The following BZW1 variants were observed in gnomAD, a reference collection of about 807,000 sequenced individuals.
BZW1 encodes the protein eIF5-mimic protein 2.
Under a neutral mutation model 54.1 loss-of-function variants are expected in BZW1, and 3 were observed. That is an observed-to-expected ratio of 0.06 (90% CI 0.03 to 0.14). The LOEUF is 0.14. BZW1 is among the 10% of genes least tolerant of loss of function. The pLI, the probability that BZW1 is intolerant of heterozygous loss-of-function variation, is 1.00. For missense variants in BZW1, 206 were observed against 491.7 expected (o/e 0.42, Z 5.50); for synonymous variants, 152 against 162.7 (o/e 0.93, Z 0.50).
At chr2:200,813,482 A>G in intron 2 of BZW1, 2 of 506,540 alleles carry the variant, frequency 3.9e-6, no homozygotes, top group East Asian at 3.3e-5. Context: ...TTTTAGTATC[A>G]ATATATCTCT....
Position 200,826,990 on chromosome 2 carries a change from A to G in BZW1, c.*4812A>G, listed in dbSNP as rs185318444. 1 of 152,178 alleles carries G rather than the reference A, an allele frequency of 6.6e-6. No homozygotes were observed. Among genetic ancestry groups the G allele is most frequent in the Admixed American group, 6.5e-5 (1 of 15,294 alleles). The allele number at this position is 152,178 out of a possible 1,614,324, so 9.4% of individuals were successfully genotyped here. ...TGAAGGCTATGCTTAAAAGTTAGAG[A>G]TAAACCTGTTGGAAATAAGTGATTC... On this transcript the variant is annotated 3_prime_UTR_variant, in exon 12 of 12. Coordinates refer to ENST00000409600, the MANE Select transcript of BZW1 (RefSeq NM_001207067.2).
intron 9 of BZW1, 96 bp downstream of exon 9, chr2:200,818,997 C>A: frequency 7.2e-7 from 1 of 1,397,640 alleles, no homozygotes; most frequent in Admixed American, 3.3e-5. Flanking sequence ...TTATCACATC[C>A]TGTGGTTCCT....
At chr2:200,814,479 C>T (rs879267738) in intron 2 of BZW1, among the ~76,000 whole-genome samples, 16 of 152,130 alleles carry the variant, frequency 1.1e-4, no homozygotes, top group Non-Finnish European at 1.2e-4. Context: ...TGTCATCTAG[C>T]CTAGATTGGG....
chr2:200,820,551 G>A (rs946076949), intron 10 of BZW1, among the ~76,000 whole-genome samples: 2 of 152,094 alleles, frequency 1.3e-5, no homozygotes, highest in African/African-American at 4.8e-5. Flanking sequence ...GAATGGTGGC[G>A]CAAGCCTGTA....
rs2038149954 is a variant in BZW1 at position 200,813,072 on chromosome 2, G to A, written c.-10-136G>A. ...GCAGGTAATTCTTTGTGCCTGTATC[G>A]GGTATAATTGCCAGCTTTATATCCT... On this transcript the variant is annotated intron_variant, in intron 1 of 11. Transcript: ENST00000409600. 4.2e-6 allele frequency: 3 copies of A among 719,128 alleles called. No individual in the cohort carries two copies. The highest frequency in any genetic ancestry group is 2.3e-4 in the Middle Eastern group (1 of 4,298). The allele number at this position is 719,128 out of a possible 1,614,324, so 44.5% of individuals were successfully genotyped here.
chr2:200,815,831 C>A, intron 4 of BZW1, 70 bp downstream of exon 4: 1 of 1,337,870 alleles, frequency 7.5e-7, no homozygotes, highest in Non-Finnish European at 1.0e-6. Context: ...GAATATTCTA[C>A]TTTTAAGAGT....
intron 1 of BZW1, chr2:200,812,828 G>C (rs2038136188): frequency 3.0e-6 from 2 of 670,154 alleles, no homozygotes; most frequent in African/African-American, 1.8e-5. Flanking sequence ...TTGGATGCCT[G>C]CTGACTATGG....
chr2:200,812,835 A>G (rs1559308705), intron 1 of BZW1: 2 of 665,752 alleles, frequency 3.0e-6, no homozygotes, highest in Admixed American at 2.1e-5. Flanking sequence ...CCTGCTGACT[A>G]TGGTGATAAT....
intron 2 of BZW1, 66 bp downstream of exon 2, chr2:200,813,347 T>A: frequency 7.2e-7 from 1 of 1,398,474 alleles, no homozygotes; most frequent in Non-Finnish European, 1.0e-6. Context: ...TTGCCTTCTC[T>A]GACAGGTACT....
rs1249217148 is a variant in BZW1 at position 200,824,673 on chromosome 2, T to G, written c.*2495T>G. On this transcript the variant is annotated 3_prime_UTR_variant, in exon 12 of 12. Transcript: ENST00000409600. ...TATCATACCCCCAGCCTTTTTAGGC[T>G]TTTTTTTTTTTTTTTTTGAGACGGA... is the stretch of plus-strand genomic sequence containing the variant. 8.9e-6 allele frequency: 1 copy of G among 111,766 alleles called. No homozygotes were observed. Among genetic ancestry groups the G allele is most frequent in the East Asian group, 2.3e-4 (1 of 4,270 alleles). The allele number at this position is 111,766 out of a possible 1,614,324, so 6.9% of individuals were successfully genotyped here. A position where few individuals can be genotyped will look rare whatever the true frequency, so the allele number is the denominator to read the frequency against.
chr2:200,820,480 G>C (rs2038469116), intron 10 of BZW1, among the ~76,000 whole-genome samples: 1 of 152,146 alleles, frequency 6.6e-6, no homozygotes, highest in Non-Finnish European at 1.5e-5. Flanking sequence ...AAGAGTTCAA[G>C]ACCGGCCTGG....
Position 200,826,407 on chromosome 2 carries a change from A to AGATTT in BZW1, c.*4229_*4230insGATTT, listed in dbSNP as rs1559318394. On this transcript the variant is annotated 3_prime_UTR_variant, in exon 12 of 12. Coordinates refer to ENST00000409600, the MANE Select transcript of BZW1 (RefSeq NM_001207067.2). ...TAGATAGATAGATAGATAGATAGAT[A>AGATTT]TTTTTTTTTTTTTTTTTTTTTTTTT... The AGATTT allele has an allele frequency of 7.3e-5, 4 of 54,946 alleles. No homozygotes were observed. Among genetic ancestry groups the AGATTT allele is most frequent in the African/African-American group, 3.4e-4 (4 of 11,752 alleles). The allele number at this position is 54,946 out of a possible 1,614,324, so 3.4% of individuals were successfully genotyped here. A position where few individuals can be genotyped will look rare whatever the true frequency, so the allele number is the denominator to read the frequency against.
chr2:200,815,972 TC>T (rs2038271884), intron 4 of BZW1, among the ~76,000 whole-genome samples: 1 of 152,226 alleles, frequency 6.6e-6, no homozygotes. Flanking sequence ...ACTCTTCTGT[TC>T]CTATTTGTCC....
intron 11 of BZW1, 108 bp downstream of exon 11, chr2:200,821,413 T>G: frequency 7.3e-7 from 1 of 1,373,706 alleles, no homozygotes; most frequent in Non-Finnish European, 9.8e-7. Context: ...GTACCTGGAG[T>G]AGAGATTTTT....
At chr2:200,812,888 A>G (rs1286732556) in intron 1 of BZW1, 18 of 653,890 alleles carry the variant, frequency 2.8e-5, no homozygotes, top group South Asian at 2.7e-4. Flanking sequence ...TGGAAGATGT[A>G]AGTGAATGTA....
At chr2:200,812,011 C>T (rs1160127393) in intron 1 of BZW1, 21 bp downstream of exon 1, 14 of 373,162 alleles carry the variant, frequency 3.8e-5, no homozygotes, top group Non-Finnish European at 1.9e-5. Flanking sequence ...GCGCCCCGCT[C>T]ACCCCGGGCG....
chr2:200,812,663 T>G, intron 1 of BZW1: 1 of 1,151,150 alleles, frequency 8.7e-7, no homozygotes, highest in Non-Finnish European at 1.2e-6. Context: ...CGAAGGAGGC[T>G]GGGCTGGCTG....
At chr2:200,817,046 C>A (rs2038320932) in intron 5 of BZW1, 60 bp from the exon 6 acceptor site, 1 of 1,571,846 alleles carries the variant, frequency 6.4e-7, no homozygotes, top group Middle Eastern at 2.1e-4. Context: ...ACATGCTTTA[C>A]TGCTTCTCTT....
chr2:200,818,092 C>CT lies in BZW1; in HGVS notation c.648+16dup. The CT allele has an allele frequency of 6.5e-7, 1 of 1,542,670 alleles. No individual in the cohort carries two copies. The highest frequency in any genetic ancestry group is 1.7e-4 in the Middle Eastern group (1 of 5,952). ...TGGATAACAGACTGATGGTTGGTAACTTTTTTTCATTCTTCCCATTCTTGC... is the reference window on the plus strand; with the variant it reads ...TGGATAACAGACTGATGGTTGGTAACTTTTTTTTCATTCTTCCCATTCTTGC... On this transcript the variant is annotated intron_variant, in intron 7 of 11. Coordinates refer to ENST00000409600, the MANE Select transcript of BZW1 (RefSeq NM_001207067.2).
Sources: gnomAD v4.1 joint callset for allele counts (sites outside exome capture counted in the v4.1 genomes callset) on GRCh38, gnomAD v4.1.1 for gene constraint, MANE v1.5 for transcripts, NCBI Gene and HGNC (gene_info 2026-07-23, HGNC 2026-07-21) for gene names.